Variants in LRRTM4 observed in about 807,000 individuals in gnomAD.
The protein encoded by LRRTM4 is leucine rich repeat transmembrane neuronal 4.
Under a neutral mutation model 47.6 loss-of-function variants are expected in LRRTM4, and 25 were observed. The ratio of observed to expected loss-of-function variants is 0.53; its 90% confidence interval spans 0.38 to 0.73. LRRTM4 has a LOEUF of 0.73. Among genes scored for constraint, LRRTM4 ranks in the 30% least tolerant of loss-of-function variants. LRRTM4 has a pLI of 0.00. For synonymous variants in LRRTM4, 311 were observed against 269.5 expected, an observed-to-expected ratio of 1.15 and a Z score of -1.51; for missense variants, 638 against 713.4, an observed-to-expected ratio of 0.89 and a Z score of 1.20.
At chr2:77,410,230 A>C (rs906363511) in intron 3 of LRRTM4, among the ~76,000 whole-genome samples, 1 of 152,320 alleles carries the variant, frequency 6.6e-6, no homozygotes, top group African/African-American at 2.4e-5. Flanking sequence ...TTCAGTAGAA[A>C]GAGAACCACC....
intron 3 of LRRTM4, among the ~76,000 whole-genome samples, chr2:77,402,391 T>C (rs1673996702): frequency 6.6e-6 from 1 of 151,862 alleles, no homozygotes; most frequent in African/African-American, 2.4e-5. Flanking sequence ...TTAAGCAATT[T>C]TCTTACCTCA....
intron 3 of LRRTM4, among the ~76,000 whole-genome samples, chr2:77,208,399 A>G (rs1228518456): frequency 6.6e-6 from 1 of 152,114 alleles, no homozygotes; most frequent in Admixed American, 6.6e-5. Flanking sequence ...TTATTTGAAG[A>G]AGGAATTTCT....
intron 3 of LRRTM4, among the ~76,000 whole-genome samples, chr2:76,932,574 C>A (rs935043873): frequency 6.6e-6 from 1 of 152,056 alleles, no homozygotes; most frequent in Non-Finnish European, 1.5e-5. Flanking sequence ...CTTCTGTACT[C>A]TGAACCTATG....
At chr2:77,000,845 T>C (rs771727239) in intron 3 of LRRTM4, among the ~76,000 whole-genome samples, 7 of 152,086 alleles carry the variant, frequency 4.6e-5, no homozygotes, top group Non-Finnish European at 8.8e-5. Context: ...GCCTCCATGG[T>C]GGCTGTGGAG....
At chr2:77,208,020 A>G (rs1674189917) in intron 3 of LRRTM4, among the ~76,000 whole-genome samples, 2 of 151,778 alleles carry the variant, frequency 1.3e-5, no homozygotes, top group African/African-American at 4.8e-5. Flanking sequence ...CTGGGATCAC[A>G]GGCACCTGCC....
intron 3 of LRRTM4, among the ~76,000 whole-genome samples, chr2:77,355,076 A>G (rs1028099580): frequency 6.6e-6 from 1 of 152,226 alleles, no homozygotes; most frequent in African/African-American, 2.4e-5. Flanking sequence ...CCTCTCATGC[A>G]TGGATTCCAT....
chr2:77,157,194 A>C (rs967242323), intron 3 of LRRTM4, among the ~76,000 whole-genome samples: 14 of 152,174 alleles, frequency 9.2e-5, no homozygotes, highest in African/African-American at 2.9e-4. Flanking sequence ...GGCTAAAAGC[A>C]AAGGTTTTGC....
intron 3 of LRRTM4, among the ~76,000 whole-genome samples, chr2:77,304,292 G>T: frequency 6.6e-6 from 1 of 152,074 alleles, no homozygotes; most frequent in South Asian, 2.1e-4. Context: ...TTAAAATCAG[G>T]TTATTTGACT....
At chr2:76,899,328 C>G (rs1305710092) in intron 3 of LRRTM4, among the ~76,000 whole-genome samples, 2 of 145,404 alleles carry the variant, frequency 1.4e-5, no homozygotes, top group Non-Finnish European at 3.0e-5. Context: ...CACACACACA[C>G]ACACACACAC....
At chr2:77,051,228 C>T (rs916892194) in intron 3 of LRRTM4, among the ~76,000 whole-genome samples, 3 of 151,898 alleles carry the variant, frequency 2.0e-5, no homozygotes, top group Non-Finnish European at 4.4e-5. Flanking sequence ...CAACAAAGAA[C>T]TATCTAGTTC....
chr2:77,302,838 C>T (rs1025241315), intron 3 of LRRTM4, among the ~76,000 whole-genome samples: 4 of 152,094 alleles, frequency 2.6e-5, no homozygotes, highest in African/African-American at 9.7e-5. Context: ...GAAAGGGCTA[C>T]TTTGTGTGAA....
At chr2:76,806,737 A>G (rs1397997858) in intron 3 of LRRTM4, among the ~76,000 whole-genome samples, 2 of 152,166 alleles carry the variant, frequency 1.3e-5, no homozygotes, top group African/African-American at 4.8e-5. Flanking sequence ...AATGGTGATA[A>G]GATATTGTAA....
chr2:76,958,232 T>C (rs1485271134), intron 3 of LRRTM4, among the ~76,000 whole-genome samples: 1 of 151,784 alleles, frequency 6.6e-6, no homozygotes, highest in African/African-American at 2.4e-5. Flanking sequence ...ATGCCAAATT[T>C]ACTGTCACAA....
chr2:77,019,191 G>C (rs749788555), intron 3 of LRRTM4, among the ~76,000 whole-genome samples: 8 of 124,914 alleles, frequency 6.4e-5, no homozygotes, highest in Admixed American at 3.8e-4. Context: ...ATAGTACTGA[G>C]TTTTACAAAA....
chr2:76,925,653 TAA>T (rs1674566667), intron 3 of LRRTM4, among the ~76,000 whole-genome samples: 1 of 152,134 alleles, frequency 6.6e-6, no homozygotes, highest in Non-Finnish European at 1.5e-5. Context: ...TCACTCTGTG[TAA>T]AAGTGTGCTA....
intron 3 of LRRTM4, among the ~76,000 whole-genome samples, chr2:76,823,767 C>A (rs765928927): frequency 6.6e-5 from 10 of 151,246 alleles, no homozygotes; most frequent in Non-Finnish European, 1.2e-4. Flanking sequence ...TTCTAGATAT[C>A]AAAAAATAAA....
chr2:77,368,944 A>G (rs964809243), intron 3 of LRRTM4, among the ~76,000 whole-genome samples: 9 of 151,758 alleles, frequency 5.9e-5, no homozygotes, highest in South Asian at 4.1e-4. Context: ...GGCTTCACCA[A>G]TCTATATTCC....
At position 76,748,340 on chromosome 2, in the gene LRRTM4, C is replaced by A. The variant is rs1009351631; in HGVS notation, c.*355G>T. The A allele has an allele frequency of 4.8e-6, 1 of 208,250 alleles. No homozygotes were observed. Among genetic ancestry groups the A allele is most frequent in the Non-Finnish European group, 9.7e-6 (1 of 102,862 alleles). The allele number at this position is 208,250 out of a possible 1,614,324, so 12.9% of individuals were successfully genotyped here. ...TATTTGCTCCCCTGTGGTTCTCCAG[C>A]CCAGGAACCATGCAGTGTAGAAAAA... On this transcript the variant is annotated 3_prime_UTR_variant, in exon 4 of 4. Transcript: ENST00000409884.
chr2:77,137,647 A>G (rs192317233), intron 3 of LRRTM4, among the ~76,000 whole-genome samples: 10 of 152,274 alleles, frequency 6.6e-5, no homozygotes, highest in African/African-American at 2.2e-4. Flanking sequence ...ATGTAAATGG[A>G]CTAAATTCTC....
Sources: allele counts gnomAD v4.1 joint callset (sites outside exome capture counted in the v4.1 genomes callset), GRCh38; gene constraint gnomAD v4.1.1; transcripts MANE v1.5; gene names NCBI Gene and HGNC (gene_info 2026-07-23, HGNC 2026-07-21).